The following PPP3CA variants were observed in gnomAD, a reference collection of about 807,000 sequenced individuals.
PPP3CA encodes the protein protein phosphatase 3 catalytic subunit alpha.
PPP3CA carries 14 observed loss-of-function variants against 66.5 expected under a neutral mutation model. The observed-to-expected ratio is 0.21, with a 90% CI of 0.14 to 0.33. PPP3CA has a LOEUF of 0.33. Ranked by LOEUF, PPP3CA falls within the 10% of genes least tolerant of loss-of-function variation. The probability of loss-of-function intolerance (pLI) is 1.00; values close to 1 mark genes in which losing one functional copy is unlikely to be tolerated. For missense variants in PPP3CA, 317 were observed against 639.5 expected (o/e 0.50, Z 5.44); for synonymous variants, 232 against 226.2 (o/e 1.03, Z -0.23).
chr4:101,231,754 T>C (rs1725970100), intron 1 of PPP3CA, among the ~76,000 whole-genome samples: 1 of 151,802 alleles, frequency 6.6e-6, no homozygotes, highest in Non-Finnish European at 1.5e-5. Context: ...TGATTTCTTA[T>C]TCATTTAAAT....
At chr4:101,074,457 A>G (rs1317039213) in intron 8 of PPP3CA, among the ~76,000 whole-genome samples, 1 of 152,224 alleles carries the variant, frequency 6.6e-6, no homozygotes, top group Non-Finnish European at 1.5e-5. Context: ...AGGTCTGGCC[A>G]TACCACACTA....
chr4:101,029,347 TAAAA>T (rs34620032), intron 12 of PPP3CA, 152 bp from the exon 13 acceptor site: 67 of 79,376 alleles, frequency 8.4e-4, no homozygotes, highest in Non-Finnish European at 1.1e-3. Flanking sequence ...ACAGAAATGC[TAAAA>T]AAAAAAAAAA....
intron 2 of PPP3CA, among the ~76,000 whole-genome samples, chr4:101,186,167 G>A (rs1724403767): frequency 6.6e-6 from 1 of 152,024 alleles, no homozygotes; most frequent in South Asian, 2.1e-4. Flanking sequence ...CTAAGAAATT[G>A]TTATAAAGAC....
At chr4:101,207,769 T>C (rs1478269585) in intron 1 of PPP3CA, among the ~76,000 whole-genome samples, 2 of 151,394 alleles carry the variant, frequency 1.3e-5, no homozygotes, top group Non-Finnish European at 2.9e-5. Flanking sequence ...GAGGTTGCAG[T>C]GAGCTGAGAT....
chr4:101,105,410 T>G (rs1483216347), intron 3 of PPP3CA, among the ~76,000 whole-genome samples: 1 of 151,718 alleles, frequency 6.6e-6, no homozygotes, highest in Non-Finnish European at 1.5e-5. Flanking sequence ...CGTGATCTGT[T>G]TGCCTCAGAC....
At chr4:101,125,994 A>C (rs1308308952) in intron 2 of PPP3CA, among the ~76,000 whole-genome samples, 1 of 152,146 alleles carries the variant, frequency 6.6e-6, no homozygotes, top group South Asian at 2.1e-4. Flanking sequence ...CTCATACTAC[A>C]TGGTAGGGGG....
At chr4:101,272,517 C>A (rs1049928170) in intron 1 of PPP3CA, among the ~76,000 whole-genome samples, 1 of 152,140 alleles carries the variant, frequency 6.6e-6, no homozygotes. Flanking sequence ...ATGTTTTCAA[C>A]ATTACTGATC....
chr4:101,088,584 CAAAAAAAA>C lies in PPP3CA; in HGVS notation c.782+5184_782+5191del, dbSNP rs1174497803. Reference sequence around the variant, plus strand: ...TGGGCGACAGAGCAAGACTCCATCTCAAAAAAAAAAAAAAAAAAAAAAAAGAGAAAAAC... The same window carrying C: ...TGGGCGACAGAGCAAGACTCCATCTCAAAAAAAAAAAAAAAAGAGAAAAAC... On this transcript the variant is annotated intron_variant, in intron 6 of 13. Transcript: ENST00000394854. Among the ~76,000 whole-genome samples the C allele has an allele frequency of 4.2e-4, 15 of 35,752 alleles. 1 individual carries two copies. The highest frequency in any genetic ancestry group is 1.3e-4 in the Non-Finnish European group (2 of 15,366). 23.5% of individuals were successfully genotyped at this position (35,752 alleles called of 152,430 possible). A position where few individuals can be genotyped will look rare whatever the true frequency, so the allele number is the denominator to read the frequency against.
chr4:101,246,332 G>T (rs997921345), intron 1 of PPP3CA, among the ~76,000 whole-genome samples: 1 of 152,132 alleles, frequency 6.6e-6, no homozygotes, highest in African/African-American at 2.4e-5. Flanking sequence ...AGAGGAAGGG[G>T]CCAATGAGAT....
rs927196760 is a variant in PPP3CA at position 101,199,521 on chromosome 4, A to C, written c.59-3405T>G. On this transcript the variant is annotated intron_variant, in intron 1 of 13. Transcript: ENST00000394854. Reference sequence around the variant, plus strand: ...TATAGTGCTAAGACTTCTTAGAAGCATCCTAAAAATAGATAGAAACCTTCT... The same window carrying C: ...TATAGTGCTAAGACTTCTTAGAAGCCTCCTAAAAATAGATAGAAACCTTCT... Among the ~76,000 whole-genome samples, 9 of 152,338 alleles carry C rather than the reference A, an allele frequency of 5.9e-5. No homozygotes were observed. In the East Asian group the frequency reaches 7.7e-4, roughly 13 times the overall value.
At position 101,323,250 on chromosome 4, in the gene PPP3CA, G is replaced by C. The variant is rs191745735; in HGVS notation, c.58+23489C>G. On this transcript the variant is annotated intron_variant, in intron 1 of 13. Coordinates refer to ENST00000394854, the MANE Select transcript of PPP3CA (RefSeq NM_000944.5). ...AACACCTGTAGGTGTTCCTCAAATA[G>C]AGCGAAACTATAAAATGCTACTAAT... is the stretch of plus-strand genomic sequence containing the variant. 1.1e-3 allele frequency among the ~76,000 whole-genome samples: 160 copies of C among 152,198 alleles called. 2 individuals carry two copies. The highest frequency in any genetic ancestry group is 3.4e-3 in the African/African-American group (142 of 41,520).
chr4:101,313,655 T>C (rs967145422), intron 1 of PPP3CA, among the ~76,000 whole-genome samples: 3 of 152,146 alleles, frequency 2.0e-5, no homozygotes, highest in African/African-American at 7.2e-5. Flanking sequence ...ATCTGAAGCA[T>C]TTTCAGAGTC....
intron 2 of PPP3CA, among the ~76,000 whole-genome samples, chr4:101,124,725 G>GAGAAAGAAAGAA (rs756619477): frequency 2.7e-4 from 16 of 58,832 alleles, no homozygotes; most frequent in Non-Finnish European, 4.5e-4. Context: ...AAGAAAGAAA[G>GAGAAAGAAAGAA]AGAAAGAAAG....
chr4:101,044,138 G>A (rs10025768), intron 10 of PPP3CA, among the ~76,000 whole-genome samples: 9,679 of 152,168 alleles, frequency 0.064, 350 homozygotes, highest in African/African-American at 0.093. Context: ...GTGTAATTCA[G>A]TGTAAAGGAG....
chr4:101,204,330 A>AATTTAAAAGTT (rs1285582531), intron 1 of PPP3CA, among the ~76,000 whole-genome samples: 7 of 152,136 alleles, frequency 4.6e-5, no homozygotes, highest in Admixed American at 2.6e-4. Flanking sequence ...TGTTGTTCAA[A>AATTTAAAAGTT]ATTTAAAAGT....
intron 6 of PPP3CA, among the ~76,000 whole-genome samples, chr4:101,092,954 T>C (rs775657078): frequency 6.6e-6 from 1 of 152,164 alleles, no homozygotes; most frequent in Non-Finnish European, 1.5e-5. Flanking sequence ...TGATATATAA[T>C]CCTTTGGGTA....
chr4:101,054,776 A>G (rs1728158506), intron 10 of PPP3CA, among the ~76,000 whole-genome samples: 1 of 152,074 alleles, frequency 6.6e-6, no homozygotes, highest in Non-Finnish European at 1.5e-5. Context: ...AGAGGCATGC[A>G]AAAAGCTACT....
At chr4:101,267,495 G>A (rs1475972848) in intron 1 of PPP3CA, among the ~76,000 whole-genome samples, 2 of 152,136 alleles carry the variant, frequency 1.3e-5, no homozygotes, top group African/African-American at 4.8e-5. Flanking sequence ...TACAGAAACT[G>A]TGCTACGACT....
At position 101,174,951 on chromosome 4, in the gene PPP3CA, C is replaced by T. The variant is rs146792935; in HGVS notation, c.259+20965G>A. ...GACAGAGCTGGGTTGAATCCAGGCACTATGGCTATAAAGGGGTGTACTTTG... is the reference window on the plus strand; with the variant it reads ...GACAGAGCTGGGTTGAATCCAGGCATTATGGCTATAAAGGGGTGTACTTTG... On this transcript the variant is annotated intron_variant, in intron 2 of 13. Coordinates refer to ENST00000394854, the MANE Select transcript of PPP3CA (RefSeq NM_000944.5). Among the ~76,000 whole-genome samples, 312 of 152,210 alleles carry T rather than the reference C, an allele frequency of 2.0e-3. 2 individuals are homozygous for T. The highest frequency in any genetic ancestry group is 7.2e-3 in the African/African-American group (299 of 41,528).
Sources: gnomAD v4.1 joint callset for allele counts (sites outside exome capture counted in the v4.1 genomes callset) on GRCh38, gnomAD v4.1.1 for gene constraint, MANE v1.5 for transcripts, NCBI Gene and HGNC (gene_info 2026-07-23, HGNC 2026-07-21) for gene names.